Variants in TAS2R1 observed in about 807,000 individuals in gnomAD.
TAS2R1 encodes taste receptor type 2 member 1.
For synonymous variants in TAS2R1, 141 were observed against 134.2 expected, an observed-to-expected ratio of 1.05 and a Z score of -0.35; for missense variants, 370 against 353.4, an observed-to-expected ratio of 1.05 and a Z score of -0.38.
chr5:9,687,490 G>A (rs55661537), intron 1 of TAS2R1, among the ~76,000 whole-genome samples: 4,297 of 152,050 alleles, frequency 0.028, 72 homozygotes, highest in Middle Eastern at 0.054. Context: ...ACTGAAGCAG[G>A]CCCCTCTGAC....
the TAS2R1 span, among the ~76,000 whole-genome samples, chr5:9,874,581 G>A: frequency 5.9e-5 from 9 of 152,162 alleles, no homozygotes; most frequent in African/African-American, 2.2e-4. Context: ...CCTTCAGGTG[G>A]CAAGACATTG....
At chr5:9,659,005 A>G (rs553951842) in intron 2 of TAS2R1, among the ~76,000 whole-genome samples, 4 of 152,342 alleles carry the variant, frequency 2.6e-5, no homozygotes, top group African/African-American at 7.2e-5. Context: ...TGCCTTGGAT[A>G]CAAGTATTGT....
At chr5:9,711,425 A>G (rs1734658258) in intron 1 of TAS2R1, among the ~76,000 whole-genome samples, 1 of 152,234 alleles carries the variant, frequency 6.6e-6, no homozygotes, top group Non-Finnish European at 1.5e-5. Flanking sequence ...AAGGACAAAT[A>G]CTGCATGATT....
chr5:9,804,776 C>A, the TAS2R1 span, among the ~76,000 whole-genome samples: 1 of 151,970 alleles, frequency 6.6e-6, no homozygotes, highest in Non-Finnish European at 1.5e-5. Context: ...GCATTAAATG[C>A]CTAAATAAAA....
chr5:9,778,808 G>T, the TAS2R1 span, among the ~76,000 whole-genome samples: 11 of 152,230 alleles, frequency 7.2e-5, no homozygotes, highest in Non-Finnish European at 1.2e-4. Flanking sequence ...TTGCTGATTT[G>T]ATCTTCTAGC....
At chr5:9,785,295 C>T in the TAS2R1 span, among the ~76,000 whole-genome samples, 9 of 152,128 alleles carry the variant, frequency 5.9e-5, no homozygotes, top group East Asian at 5.8e-4. Flanking sequence ...GTTTTTGTCA[C>T]GGTTTTACAA....
the TAS2R1 span, among the ~76,000 whole-genome samples, chr5:9,772,608 A>T: frequency 3.9e-5 from 6 of 152,100 alleles, no homozygotes; most frequent in African/African-American, 1.4e-4. Context: ...TGAAGTCTCC[A>T]GCTATGATTG....
the TAS2R1 span, among the ~76,000 whole-genome samples, chr5:9,731,323 A>G: frequency 0.027 from 4,078 of 152,054 alleles, 170 homozygotes; most frequent in African/African-American, 0.092. Context: ...TCTGTCCCCA[A>G]GCTGCATCCA....
chr5:9,875,515 C>T, the TAS2R1 span, among the ~76,000 whole-genome samples: 1 of 152,186 alleles, frequency 6.6e-6, no homozygotes, highest in African/African-American at 2.4e-5. Flanking sequence ...AACAGCCATG[C>T]GGATCTGTGT....
chr5:9,753,216 T>C, the TAS2R1 span, among the ~76,000 whole-genome samples: 2 of 152,226 alleles, frequency 1.3e-5, no homozygotes, highest in Non-Finnish European at 2.9e-5. Context: ...ACCGGTTGTT[T>C]CCTGACATTT....
chr5:9,840,388 C>A, the TAS2R1 span, among the ~76,000 whole-genome samples: 1 of 152,112 alleles, frequency 6.6e-6, no homozygotes, highest in African/African-American at 2.4e-5. Flanking sequence ...GTTTTTTATC[C>A]TTCCCATCTT....
intron 1 of TAS2R1, among the ~76,000 whole-genome samples, chr5:9,699,275 T>C (rs937872654): frequency 1.3e-5 from 2 of 152,230 alleles, no homozygotes; most frequent in African/African-American, 4.8e-5. Flanking sequence ...AGAGATGCAA[T>C]TAACTCTGCA....
intron 2 of TAS2R1, among the ~76,000 whole-genome samples, chr5:9,640,317 T>A (rs970318511): frequency 6.6e-6 from 1 of 151,564 alleles, no homozygotes; most frequent in Non-Finnish European, 1.5e-5. Flanking sequence ...ACAATTACAA[T>A]AGGAACATCA....
intron 1 of TAS2R1, among the ~76,000 whole-genome samples, chr5:9,674,729 T>C (rs1740835676): frequency 6.6e-6 from 1 of 152,156 alleles, no homozygotes; most frequent in African/African-American, 2.4e-5. Flanking sequence ...TAGACTACTA[T>C]CTTTCTAACT....
Position 9,629,895 on chromosome 5 carries a change from G to C in TAS2R1, c.138C>G (p.Leu46=), listed in dbSNP as rs367652541. Residue 46 remains leucine, a synonymous_variant, in exon 1 of 1, where the codon CTC becomes CTG. Coordinates refer to ENST00000382492, the MANE Select transcript of TAS2R1 (RefSeq NM_019599.3). ...TAGAAACTGCCAGACAAGAAAGAAG[G>C]AGATCCAGCGGAGCCATTTTTCTGT... ...IKHRKMAPLD[L]LLSCLAVSRI... 29 of 1,613,924 alleles carry C rather than the reference G, an allele frequency of 1.8e-5. No homozygotes were observed. Among genetic ancestry groups the C allele is most frequent in the South Asian group, 6.6e-5 (6 of 91,066 alleles).
chr5:9,857,487 C>T, the TAS2R1 span, among the ~76,000 whole-genome samples: 2,274 of 152,082 alleles, frequency 0.015, 60 homozygotes, highest in African/African-American at 0.051. Flanking sequence ...AATACCAAGG[C>T]GATGGGTTGA....
At chr5:9,839,920 T>C in the TAS2R1 span, among the ~76,000 whole-genome samples, 2 of 152,234 alleles carry the variant, frequency 1.3e-5, no homozygotes, top group Non-Finnish European at 2.9e-5. Flanking sequence ...GAAAGGAAAC[T>C]TCTAGCCCCT....
chr5:9,638,211 AC>A (rs1740001001), intron 2 of TAS2R1, among the ~76,000 whole-genome samples: 1 of 151,980 alleles, frequency 6.6e-6, no homozygotes, highest in South Asian at 2.1e-4. Context: ...GGGTTTAGCC[AC>A]CCAGCAAGGC....
At chr5:9,778,821 G>A in the TAS2R1 span, among the ~76,000 whole-genome samples, 3 of 152,342 alleles carry the variant, frequency 2.0e-5, no homozygotes, top group East Asian at 5.8e-4. Context: ...CTTCTAGCCA[G>A]ACTGCTAAAA....
Sources: allele counts gnomAD v4.1 joint callset (sites outside exome capture counted in the v4.1 genomes callset), GRCh38; gene constraint gnomAD v4.1.1; transcripts MANE v1.5; gene names NCBI Gene and HGNC (gene_info 2026-07-23, HGNC 2026-07-21).